CLEC2D: variants seen among roughly 807,000 people sequenced by gnomAD.
The protein encoded by CLEC2D is C-type lectin domain family 2 member D, also known as C-type lectin related f.
Under a neutral mutation model 20.0 loss-of-function variants are expected in CLEC2D, and 16 were observed. The ratio of observed to expected loss-of-function variants is 0.80; its 90% CI spans 0.54 to 1.22. The LOEUF is 1.22. CLEC2D is among the 50% of genes most tolerant of loss of function. CLEC2D has a pLI of 0.00. For synonymous variants in CLEC2D, 77 were observed against 71.1 expected (o/e 1.08, Z -0.42); for missense variants, 207 against 221.5 (o/e 0.93, Z 0.42).
In CLEC2D at chr12:9,692,872, G is replaced by A. The variant is rs375131346; in HGVS notation, c.402G>A (p.Gly134=). Residue 134 remains glycine, a synonymous_variant, in exon 4 of 5, where the codon GGG becomes GGA. Transcript: ENST00000290855. ...RYKGPSDHWI[G]LSREQGQPWK... ...AAGGCCCATCTGATCACTGGATTGG[G>A]CTGAGCAGAGAACAAGGCCAACCAT... 2.2e-5 allele frequency: 36 copies of A among 1,613,480 alleles called. No homozygotes were observed. Among genetic ancestry groups the A allele is most frequent in the Non-Finnish European group, 2.6e-5 (31 of 1,179,714 alleles).
chr12:9,695,263 C>A lies in CLEC2D; in HGVS notation c.*389C>A. The A allele has an allele frequency of 1.5e-6, 1 of 666,694 alleles. No individual in the cohort carries two copies. The highest frequency in any genetic ancestry group is 2.7e-6 in the Non-Finnish European group (1 of 369,892). The allele number at this position is 666,694 out of a possible 1,614,324, so 41.3% of individuals were successfully genotyped here. On this transcript the variant is annotated 3_prime_UTR_variant, in exon 5 of 5. Transcript: ENST00000290855. ...TCCTATTTATACAACCATCAGATAT[C>A]TTGAGACAAGAACAGTATGGGGCTC... is the stretch of plus-strand genomic sequence containing the variant.
At position 9,698,391 on chromosome 12, in the gene CLEC2D, C is replaced by T. The variant is rs1866051191; in HGVS notation, c.*3517C>T. 1 of 152,152 alleles carries T rather than the reference C, an allele frequency of 6.6e-6. No individual in the cohort carries two copies. The allele number at this position is 152,152 out of a possible 1,614,324, so 9.4% of individuals were successfully genotyped here. On this transcript the variant is annotated 3_prime_UTR_variant, in exon 5 of 5. Transcript: ENST00000290855. ...GGAACATCTCTCTATTCCCCAGCCC[C>T]AGTCCCTAAATGTTGAATACACAAT...
chr12:9,694,715 G>A (rs1349188101), intron 4 of CLEC2D, 45 bp from the exon 5 acceptor site: 1 of 991,414 alleles, frequency 1.0e-6, no homozygotes. Context: ...CTCTGCTGTT[G>A]AAGAAATGTT....
chr12:9,692,953 G>A, intron 4 of CLEC2D, 22 bp downstream of exon 4: 1 of 1,598,234 alleles, frequency 6.3e-7, no homozygotes, highest in Non-Finnish European at 8.6e-7. Flanking sequence ...AAATCTGGCA[G>A]TAATATTTGT....
chr12:9,677,998 C>T (rs1168831575), intron 1 of CLEC2D, among the ~76,000 whole-genome samples: 1 of 152,084 alleles, frequency 6.6e-6, no homozygotes, highest in African/African-American at 2.4e-5. Context: ...GCTGAGATTA[C>T]AGTCATGAGC....
At chr12:9,693,161 A>AT in intron 4 of CLEC2D, 2 of 1,310,672 alleles carry the variant, frequency 1.5e-6, no homozygotes, top group Non-Finnish European at 2.2e-6. Flanking sequence ...TATCTATGTC[A>AT]TTTTCAAACA....
chr12:9,674,800 G>A (rs1212336266), intron 1 of CLEC2D, among the ~76,000 whole-genome samples: 1 of 152,160 alleles, frequency 6.6e-6, no homozygotes, highest in African/African-American at 2.4e-5. Flanking sequence ...CAGGTTGAAA[G>A]TTTTTAGTTT....
intron 3 of CLEC2D, among the ~76,000 whole-genome samples, chr12:9,689,307 G>A (rs1474639044): frequency 6.6e-6 from 1 of 152,146 alleles, no homozygotes; most frequent in Non-Finnish European, 1.5e-5. Context: ...AATAAAAATA[G>A]TTGGGAAAAA....
chr12:9,671,034 TCTC>T (rs1190361170), intron 1 of CLEC2D, among the ~76,000 whole-genome samples: 1 of 152,166 alleles, frequency 6.6e-6, no homozygotes, highest in East Asian at 1.9e-4. Flanking sequence ...CCCAGGGGCT[TCTC>T]CTTTCCATCC....
intron 1 of CLEC2D, among the ~76,000 whole-genome samples, chr12:9,675,396 G>A (rs1041301175): frequency 5.3e-5 from 8 of 151,926 alleles, no homozygotes; most frequent in East Asian, 1.9e-4. Context: ...GGGTTTCACC[G>A]TGTTAGCCAG....
chr12:9,682,241 T>C (rs1041528660), intron 2 of CLEC2D, among the ~76,000 whole-genome samples: 1 of 152,214 alleles, frequency 6.6e-6, no homozygotes. Flanking sequence ...TTTTTATGTT[T>C]TATTTAACAT....
chr12:9,699,470 T>C lies in CLEC2D; in HGVS notation c.*4596T>C, dbSNP rs1866076248. 6.6e-6 allele frequency: 1 copy of C among 152,176 alleles called. No individual in the cohort carries two copies. The highest frequency in any genetic ancestry group is 1.5e-5 in the Non-Finnish European group (1 of 68,020). 9.4% of individuals were successfully genotyped at this position (152,176 alleles called of 1,614,324 possible). ...ATGCCTGCTTTTCATTGAAATAGAA[T>C]GAAAAGGTTGCACAATATTATTTTC... On this transcript the variant is annotated 3_prime_UTR_variant, in exon 5 of 5. Transcript: ENST00000290855.
chr12:9,693,083 C>T (rs1254934801), intron 4 of CLEC2D, 152 bp downstream of exon 4: 1 of 1,613,866 alleles, frequency 6.2e-7, no homozygotes. Flanking sequence ...AAAGGTTTCA[C>T]AAGTTCCTCG....
At chr12:9,676,075 T>C (rs1865515819) in intron 1 of CLEC2D, among the ~76,000 whole-genome samples, 2 of 152,352 alleles carry the variant, frequency 1.3e-5, no homozygotes, top group South Asian at 4.1e-4. Context: ...GATTATGTCA[T>C]CTGCAGAGAA....
chr12:9,674,910 T>G (rs2120897730), intron 1 of CLEC2D, among the ~76,000 whole-genome samples: 1 of 152,326 alleles, frequency 6.6e-6, no homozygotes, highest in East Asian at 1.9e-4. Flanking sequence ...AGGCTTTCTC[T>G]TATATTATCT....
Position 9,698,669 on chromosome 12 carries a change from TAAAA to T in CLEC2D, c.*3798_*3801del, listed in dbSNP as rs1329193486. The T allele has an allele frequency of 2.0e-5, 3 of 151,990 alleles. No individual in the cohort carries two copies. Among genetic ancestry groups the T allele is most frequent in the Non-Finnish European group, 4.4e-5 (3 of 67,962 alleles). 9.4% of individuals were successfully genotyped at this position (151,990 alleles called of 1,614,324 possible). A position where few individuals can be genotyped will look rare whatever the true frequency, so the allele number is the denominator to read the frequency against. On this transcript the variant is annotated 3_prime_UTR_variant, in exon 5 of 5. Coordinates refer to ENST00000290855, the MANE Select transcript of CLEC2D (RefSeq NM_013269.6). ...AATAAACAAATGAAATTGCATAAAA[TAAAA>T]AATGTTTCTGCACAGCAAAGGAAAT...
intron 3 of CLEC2D, 104 bp downstream of exon 3, chr12:9,688,190 A>ATTTTTTTTTT (rs71045286): frequency 7.5e-5 from 59 of 786,988 alleles, no homozygotes; most frequent in African/African-American, 1.6e-4. Context: ...TTTTACATTG[A>ATTTTTTTTTT]TTTTTTTTTT....
intron 2 of CLEC2D, among the ~76,000 whole-genome samples, chr12:9,684,861 T>C (rs1439298988): frequency 2.0e-5 from 3 of 152,154 alleles, no homozygotes; most frequent in Non-Finnish European, 4.4e-5. Flanking sequence ...GTATCTCTGC[T>C]AGGTTTTGGT....
In CLEC2D at chr12:9,698,570, G is replaced by T. The variant is rs1167837882; in HGVS notation, c.*3696G>T. 6.6e-6 allele frequency: 1 copy of T among 152,102 alleles called. No homozygotes were observed. The highest frequency in any genetic ancestry group is 6.6e-5 in the Admixed American group (1 of 15,254). 9.4% of individuals were successfully genotyped at this position (152,102 alleles called of 1,614,324 possible). ...TAAAACTACTAAAAGAAAATATAGG[G>T]AGAAAGCTTCACAACGTTGGTCTGG... On this transcript the variant is annotated 3_prime_UTR_variant, in exon 5 of 5. Coordinates refer to ENST00000290855, the MANE Select transcript of CLEC2D (RefSeq NM_013269.6).
Sources: allele counts gnomAD v4.1 joint callset (sites outside exome capture counted in the v4.1 genomes callset), GRCh38; gene constraint gnomAD v4.1.1; transcripts MANE v1.5; gene names NCBI Gene and HGNC (gene_info 2026-07-23, HGNC 2026-07-21).